Variants in DNAH6 observed in about 807,000 individuals in gnomAD.
The protein encoded by DNAH6 is axonemal beta dynein heavy chain 6.
A neutral mutation model predicts 491.4 loss-of-function variants in DNAH6; 340 were observed. The observed-to-expected ratio is 0.69, with a 90% CI of 0.63 to 0.76. The LOEUF is 0.76. DNAH6 is among the 30% of genes least tolerant of loss of function. The pLI, the probability that DNAH6 is intolerant of heterozygous loss-of-function variation, is 0.00. For synonymous variants in DNAH6, 1,603 were observed against 1,686.1 expected (o/e 0.95, Z 1.21); for missense variants, 4,443 against 4,972.2 (o/e 0.89, Z 3.20).
At chr2:84,599,944 A>AT (rs1401935649) in intron 18 of DNAH6, among the ~76,000 whole-genome samples, 1 of 152,038 alleles carries the variant, frequency 6.6e-6, no homozygotes, top group African/African-American at 2.4e-5. Flanking sequence ...GTCCTTTTAA[A>AT]TTTTTTAAGG....
chr2:84,717,381 T>A (rs1697641662), intron 58 of DNAH6, among the ~76,000 whole-genome samples: 1 of 152,210 alleles, frequency 6.6e-6, no homozygotes, highest in Non-Finnish European at 1.5e-5. Context: ...ATTCAGCATG[T>A]ACATAACAAG....
intron 14 of DNAH6, among the ~76,000 whole-genome samples, chr2:84,583,036 G>A (rs1021874008): frequency 6.6e-6 from 1 of 152,194 alleles, no homozygotes; most frequent in Non-Finnish European, 1.5e-5. Flanking sequence ...TAACCATGTG[G>A]CAGAGTTGCG....
chr2:84,647,212 G>A (rs375890806), intron 33 of DNAH6, among the ~76,000 whole-genome samples: 2 of 152,054 alleles, frequency 1.3e-5, no homozygotes, highest in African/African-American at 2.4e-5. Context: ...TCTTTCCCTC[G>A]CTAGCTTCAT....
In DNAH6 at chr2:84,681,393, G is replaced by A; in HGVS notation, c.6781G>A (p.Ala2261Thr). 6.4e-7 allele frequency: 1 copy of A among 1,550,944 alleles called. No individual in the cohort carries two copies. ...TGGTTTCCTGAGTGACTTTCCACCA[G>A]CTGTAAAGCAAACTGCATCAAGCAT... The part of the protein sequence containing the change: ...LNGFLSDFPP[A>T]VKQTASSIVE... Residue 2261 changes from alanine to threonine, a missense_variant, in exon 42 of 77, where the codon GCT becomes ACT. Coordinates refer to ENST00000389394, the MANE Select transcript of DNAH6 (RefSeq NM_001370.2).
At position 84,588,938 on chromosome 2, in the gene DNAH6, A is replaced by T; in HGVS notation, c.2594A>T (p.Tyr865Phe). The change falls in exon 16 of 77, where the codon TAT becomes TTT. Residue 865 changes from tyrosine to phenylalanine, a missense_variant. Transcript: ENST00000389394. ...AAACGTGCATTTCAGTATAAGTCCT[A>T]TCAGAAGAATTTTAAGGTAATGACA... Reference protein sequence around the residue: ...LQKRAFQYKSYQKNFKVEVSK... With the variant: ...LQKRAFQYKSFQKNFKVEVSK... The T allele has an allele frequency of 6.5e-7, 1 of 1,545,958 alleles. No homozygotes were observed. Among genetic ancestry groups the T allele is most frequent in the Non-Finnish European group, 8.7e-7 (1 of 1,145,372 alleles).
At chr2:84,602,818 C>A (rs1355379814) in intron 18 of DNAH6, among the ~76,000 whole-genome samples, 2 of 70,550 alleles carry the variant, frequency 2.8e-5, no homozygotes, top group Admixed American at 1.5e-4. Flanking sequence ...TTTTTCTTTT[C>A]CCTCTTTTTT....
At chr2:84,487,847 T>C in the DNAH6 span, among the ~76,000 whole-genome samples, 2 of 152,164 alleles carry the variant, frequency 1.3e-5, no homozygotes, top group African/African-American at 4.8e-5. Flanking sequence ...GATTATACTC[T>C]TTGGACCTGG....
intron 56 of DNAH6, 56 bp downstream of exon 56, chr2:84,710,468 G>T (rs1457933863): frequency 2.6e-6 from 4 of 1,526,232 alleles, no homozygotes; most frequent in Middle Eastern, 2.0e-4. Context: ...ATCATATCTG[G>T]AATCCTATAT....
chr2:84,558,809 A>G (rs1386968068), intron 11 of DNAH6, among the ~76,000 whole-genome samples: 1 of 152,198 alleles, frequency 6.6e-6, no homozygotes, highest in East Asian at 1.9e-4. Flanking sequence ...AGAAACAAGC[A>G]TTATTCCTCG....
intron 33 of DNAH6, among the ~76,000 whole-genome samples, chr2:84,649,843 G>A (rs1207708539): frequency 6.6e-6 from 1 of 152,034 alleles, no homozygotes; most frequent in African/African-American, 2.4e-5. Context: ...GAAAAATGAT[G>A]GGTTGATAGG....
At chr2:84,584,361 T>C in intron 15 of DNAH6, 111 bp downstream of exon 15, 1 of 1,115,426 alleles carries the variant, frequency 9.0e-7, no homozygotes, top group Middle Eastern at 3.0e-4. Flanking sequence ...CAATATATAA[T>C]GTGATGTTTT....
At chr2:84,747,461 T>C (rs2105056315) in intron 63 of DNAH6, among the ~76,000 whole-genome samples, 1 of 152,308 alleles carries the variant, frequency 6.6e-6, no homozygotes, top group East Asian at 1.9e-4. Context: ...CTTGACACCA[T>C]GTCCTGCATC....
chr2:84,815,980 T>G lies in DNAH6; in HGVS notation c.12270T>G (p.Pro4090=). 1.3e-6 allele frequency: 2 copies of G among 1,551,958 alleles called. No individual in the cohort carries two copies. Among genetic ancestry groups the G allele is most frequent in the Non-Finnish European group, 1.7e-6 (2 of 1,147,066 alleles). Residue 4090 remains proline, a synonymous_variant, in exon 76 of 77, where the codon CCT becomes CCG. Transcript: ENST00000389394. ...ALPGQMNPVL[P]VVHFEPQQNY... ...CCGGACAGATGAATCCAGTGCTGCC[T>G]GTGGTGCATTTTGAACCACAACAAA...
Position 84,694,404 on chromosome 2 carries a change from A to T in DNAH6, c.7448A>T (p.His2483Leu), listed in dbSNP as rs200809496. 4.5e-6 allele frequency: 7 copies of T among 1,552,232 alleles called. No individual in the cohort carries two copies. The highest frequency in any genetic ancestry group is 6.1e-6 in the Non-Finnish European group (7 of 1,147,138). Reference sequence around the variant, plus strand: ...CGGGGATATAATTATGATAGTTTTCATGAAGACCTGAGGAAGTTGTACAAA... The same window carrying T: ...CGGGGATATAATTATGATAGTTTTCTTGAAGACCTGAGGAAGTTGTACAAA... ...LSRGYNYDSFHEDLRKLYKMA... is the reference protein window; with the variant it reads ...LSRGYNYDSFLEDLRKLYKMA... Residue 2483 changes from histidine (H) to leucine (L), a missense_variant, in exon 46 of 77, where the codon CAT (histidine) becomes CTT (leucine). His to Leu is a moderately conservative substitution (Grantham distance 99). Transcript: ENST00000389394.
chr2:84,643,599 A>G (rs187983318), intron 33 of DNAH6, among the ~76,000 whole-genome samples: 3 of 152,136 alleles, frequency 2.0e-5, no homozygotes, highest in African/African-American at 2.4e-5. Flanking sequence ...AGAGGTTTCT[A>G]TTGAGGTATC....
At chr2:84,518,100 G>T in intron 2 of DNAH6, 49 bp downstream of exon 2, 3 of 1,408,882 alleles carry the variant, frequency 2.1e-6, no homozygotes, top group African/African-American at 1.5e-5. Flanking sequence ...AGAGGAAGTT[G>T]TAAAATTGCT....
At chr2:84,739,179 G>A (rs993136565) in intron 62 of DNAH6, among the ~76,000 whole-genome samples, 5 of 152,128 alleles carry the variant, frequency 3.3e-5, no homozygotes, top group Non-Finnish European at 5.9e-5. Flanking sequence ...CTTCTGACTT[G>A]TAAGGTTTGT....
chr2:84,700,654 G>T (rs1324178565), intron 48 of DNAH6, among the ~76,000 whole-genome samples: 1 of 152,202 alleles, frequency 6.6e-6, no homozygotes, highest in Non-Finnish European at 1.5e-5. Flanking sequence ...AGTTGCATTT[G>T]ACCAATGTTC....
intron 18 of DNAH6, among the ~76,000 whole-genome samples, chr2:84,598,354 T>C (rs1684885137): frequency 6.6e-6 from 1 of 152,108 alleles, no homozygotes; most frequent in Non-Finnish European, 1.5e-5. Context: ...TTTTCTAGTA[T>C]TCTGTTATAT....
Sources: allele counts gnomAD v4.1 joint callset (sites outside exome capture counted in the v4.1 genomes callset), GRCh38; gene constraint gnomAD v4.1.1; transcripts MANE v1.5; gene names NCBI Gene and HGNC (gene_info 2026-07-23, HGNC 2026-07-21).